Variants in IMMP2L observed in about 807,000 individuals in gnomAD.
IMMP2L encodes inner mitochondrial membrane peptidase subunit 2, also known as mitochondrial inner membrane protease subunit 2.
A neutral mutation model predicts 19.3 loss-of-function variants in IMMP2L; 18 were observed. That is an observed-to-expected ratio of 0.93 (90% confidence interval 0.64 to 1.38). The LOEUF (loss-of-function observed/expected upper bound fraction) is 1.38. Among genes scored for constraint, IMMP2L ranks in the 40% most tolerant of loss-of-function variants. IMMP2L has a pLI of 0.00. For synonymous variants in IMMP2L, 76 were observed against 73.0 expected, an observed-to-expected ratio of 1.04 and a Z score of -0.21; for missense variants, 233 against 218.2, an observed-to-expected ratio of 1.07 and a Z score of -0.43.
At chr7:111,531,300 T>C (rs1482121513) in intron 1 of IMMP2L, among the ~76,000 whole-genome samples, 3 of 151,690 alleles carry the variant, frequency 2.0e-5, no homozygotes, top group East Asian at 1.9e-4. Context: ...TTTTTTTTTT[T>C]CCTCATCAAT....
intron 2 of IMMP2L, among the ~76,000 whole-genome samples, chr7:111,513,042 T>C (rs1003620031): frequency 1.1e-4 from 17 of 152,162 alleles, no homozygotes; most frequent in South Asian, 2.1e-4. Flanking sequence ...AAAAGCTCCA[T>C]GACACTGATC....
At chr7:110,985,606 A>T (rs979637705) in intron 3 of IMMP2L, among the ~76,000 whole-genome samples, 2 of 152,152 alleles carry the variant, frequency 1.3e-5, no homozygotes, top group Non-Finnish European at 2.9e-5. Flanking sequence ...AACTACTTTT[A>T]AAAGTGTGTG....
chr7:111,195,947 C>T (rs1177071561), intron 3 of IMMP2L, among the ~76,000 whole-genome samples: 1 of 151,928 alleles, frequency 6.6e-6, no homozygotes, highest in African/African-American at 2.4e-5. Flanking sequence ...GCTCACTGCA[C>T]CCTCGAACTC....
intron 5 of IMMP2L, among the ~76,000 whole-genome samples, chr7:110,857,250 A>T (rs1449749383): frequency 6.6e-6 from 1 of 152,136 alleles, no homozygotes; most frequent in Admixed American, 6.6e-5. Context: ...GGTCTTGATC[A>T]GGTGAAACCT....
In IMMP2L at chr7:110,676,987, A is replaced by C. The variant is rs187439444; in HGVS notation, c.409-13266T>G. On this transcript the variant is annotated intron_variant, in intron 5 of 5. Coordinates refer to ENST00000405709, the MANE Select transcript of IMMP2L (RefSeq NM_032549.4). ...TCTACTGTGACGTCACGCATTCAAC[A>C]TGATGCAACAAGTGGAGGGATGTCT... Among the ~76,000 whole-genome samples the C allele has an allele frequency of 3.3e-5, 5 of 152,292 alleles. No homozygotes were observed. The East Asian group carries it at 9.7e-4, about 29-fold the overall frequency.
At position 111,087,192 on chromosome 7, in the gene IMMP2L, G is replaced by A. The variant is rs576324985; in HGVS notation, c.240-123627C>T. Among the ~76,000 whole-genome samples the A allele has an allele frequency of 3.3e-5, 5 of 152,290 alleles. No homozygotes were observed. The East Asian group carries it at 7.7e-4, about 24-fold the overall frequency. ...TTGCCGGGCGCGGTGGCTCACGCCT[G>A]TAATCTCAGCACTTTGGGAGGCTGT... On this transcript the variant is annotated intron_variant, in intron 3 of 5. Transcript: ENST00000405709.
chr7:111,540,018 A>AAT (rs1478527783), intron 1 of IMMP2L, among the ~76,000 whole-genome samples: 1 of 152,188 alleles, frequency 6.6e-6, no homozygotes. Flanking sequence ...GATTCATAAC[A>AAT]GAACACCAAA....
At chr7:111,171,951 G>T (rs1425557710) in intron 3 of IMMP2L, among the ~76,000 whole-genome samples, 1 of 151,306 alleles carries the variant, frequency 6.6e-6, no homozygotes, top group Non-Finnish European at 1.5e-5. Context: ...CTTGAAAAAA[G>T]AATGAGTGGA....
At chr7:110,685,055 G>C (rs1048294126) in intron 5 of IMMP2L, among the ~76,000 whole-genome samples, 5 of 152,102 alleles carry the variant, frequency 3.3e-5, no homozygotes, top group Admixed American at 6.6e-5. Context: ...TTTCATTAAG[G>C]GTTGGGGGGG....
intron 3 of IMMP2L, among the ~76,000 whole-genome samples, chr7:111,138,173 G>T (rs927531948): frequency 2.0e-5 from 3 of 152,032 alleles, no homozygotes; most frequent in Non-Finnish European, 2.9e-5. Context: ...AATACAAAAA[G>T]GTACTCCATT....
chr7:111,029,596 A>G (rs967302833), intron 3 of IMMP2L, among the ~76,000 whole-genome samples: 32 of 152,150 alleles, frequency 2.1e-4, no homozygotes, highest in African/African-American at 7.7e-4. Context: ...TACCCTATCA[A>G]TGTCTACAGT....
intron 5 of IMMP2L, among the ~76,000 whole-genome samples, chr7:110,837,595 T>C (rs896389023): frequency 6.6e-6 from 1 of 152,070 alleles, no homozygotes; most frequent in Admixed American, 6.6e-5. Flanking sequence ...CTATTTGGTA[T>C]AGAGAGAATG....
At chr7:110,670,119 A>G (rs1562904174) in intron 5 of IMMP2L, among the ~76,000 whole-genome samples, 1 of 152,196 alleles carries the variant, frequency 6.6e-6, no homozygotes, top group Non-Finnish European at 1.5e-5. Context: ...GCCTGAAGGC[A>G]ACCGGATTAG....
chr7:110,775,937 G>A (rs190331193), intron 5 of IMMP2L, among the ~76,000 whole-genome samples: 21 of 151,010 alleles, frequency 1.4e-4, no homozygotes. Context: ...TAAAATACAT[G>A]CATAAAATAA....
chr7:111,421,960 C>T (rs1312872999), intron 3 of IMMP2L, among the ~76,000 whole-genome samples: 1 of 151,796 alleles, frequency 6.6e-6, no homozygotes, highest in Non-Finnish European at 1.5e-5. Flanking sequence ...TTTCCCAGCA[C>T]CATTTATTAA....
At chr7:111,014,347 T>C (rs1418096618) in intron 3 of IMMP2L, among the ~76,000 whole-genome samples, 1 of 151,846 alleles carries the variant, frequency 6.6e-6, no homozygotes, top group African/African-American at 2.4e-5. Context: ...AGAGTGAGAC[T>C]CTGTGTCAAA....
At chr7:110,895,668 T>C (rs556285608) in intron 4 of IMMP2L, among the ~76,000 whole-genome samples, 2 of 152,326 alleles carry the variant, frequency 1.3e-5, no homozygotes, top group South Asian at 2.1e-4. Flanking sequence ...ACATAGCATA[T>C]CTTTCCAATT....
At chr7:110,848,791 G>T (rs1585020403) in intron 5 of IMMP2L, among the ~76,000 whole-genome samples, 1 of 152,068 alleles carries the variant, frequency 6.6e-6, no homozygotes, top group Non-Finnish European at 1.5e-5. Context: ...ATTACTAAGT[G>T]AAAGAAGCCA....
At chr7:111,319,091 G>A (rs890955771) in intron 3 of IMMP2L, among the ~76,000 whole-genome samples, 10 of 152,004 alleles carry the variant, frequency 6.6e-5, no homozygotes, top group East Asian at 1.9e-4. Flanking sequence ...CTAAGTAAGC[G>A]TTACCAAATA....
Sources: gnomAD v4.1 joint callset for allele counts (sites outside exome capture counted in the v4.1 genomes callset) on GRCh38, gnomAD v4.1.1 for gene constraint, MANE v1.5 for transcripts, NCBI Gene and HGNC (gene_info 2026-07-23, HGNC 2026-07-21) for gene names.